The following NAV2 variants were observed in gnomAD, a reference collection of about 807,000 sequenced individuals.
NAV2 encodes neuron navigator 2, also known as helicase, APC down-regulated 1.
NAV2 carries 54 observed loss-of-function variants against 223.2 expected under a neutral mutation model. That is an observed-to-expected ratio of 0.24 (90% CI 0.19 to 0.30). The LOEUF is 0.30. Among genes scored for constraint, NAV2 ranks in the 10% least tolerant of loss-of-function variants. NAV2 has a pLI of 1.00. For synonymous variants in NAV2, 1,279 were observed against 1,239.3 expected (o/e 1.03, Z -0.67); for missense variants, 2,806 against 3,147.5 (o/e 0.89, Z 2.60).
rs1323663075 is a variant in NAV2 at position 19,948,874 on chromosome 11, C to G, written c.2439C>G (p.Phe813Leu). 12 of 1,614,104 alleles carry G rather than the reference C, an allele frequency of 7.4e-6. No homozygotes were observed. The highest frequency in any genetic ancestry group is 1.0e-5 in the Non-Finnish European group (12 of 1,180,022). Reference protein sequence around the residue: ...GYPPRANASRFINTESGRYVY... With the variant: ...GYPPRANASRLINTESGRYVY... ...CCCCTCGAGCCAACGCCAGCAGGTT[C>G]ATCAACACTGAGTCAGGTCGCTATG... Residue 813 changes from phenylalanine to leucine, a missense_variant, in exon 10 of 38, where the codon TTC becomes TTG. Transcript: ENST00000349880.
At chr11:19,798,557 G>C (rs117758758) in intron 1 of NAV2, among the ~76,000 whole-genome samples, 6 of 152,156 alleles carry the variant, frequency 3.9e-5, no homozygotes, top group Non-Finnish European at 7.3e-5. Flanking sequence ...GGCTGGCCAC[G>C]GGGAGCCCTC....
chr11:19,583,886 C>T (rs1273850216), intron 1 of NAV2, among the ~76,000 whole-genome samples: 1 of 152,176 alleles, frequency 6.6e-6, no homozygotes, highest in Non-Finnish European at 1.5e-5. Context: ...ATGATGCTGG[C>T]CTCACAAAAT....
intron 1 of NAV2, among the ~76,000 whole-genome samples, chr11:19,735,056 G>A (rs963445000): frequency 2.6e-5 from 4 of 152,214 alleles, no homozygotes; most frequent in Non-Finnish European, 5.9e-5. Context: ...ATTTGTAAAT[G>A]AGGATAATAG....
intron 10 of NAV2, among the ~76,000 whole-genome samples, chr11:19,980,422 G>A: frequency 6.6e-6 from 1 of 152,136 alleles, no homozygotes; most frequent in East Asian, 1.9e-4. Context: ...GTGTGGCATG[G>A]GTGTTCTGAG....
intron 1 of NAV2, among the ~76,000 whole-genome samples, chr11:19,450,711 G>A (rs1369978813): frequency 3.3e-5 from 5 of 152,084 alleles, no homozygotes; most frequent in African/African-American, 4.8e-5. Context: ...ATACAACTTC[G>A]TCATTCACAA....
At chr11:20,068,140 T>C (rs1251051724) in intron 20 of NAV2, 46 bp from the exon 21 acceptor site, 1 of 1,585,502 alleles carries the variant, frequency 6.3e-7, no homozygotes, top group Admixed American at 1.7e-5. Context: ...ACTACACTAT[T>C]CTTTGTTCCT....
intron 25 of NAV2, 88 bp from the exon 26 acceptor site, chr11:20,082,919 A>T: frequency 8.0e-7 from 1 of 1,242,644 alleles, no homozygotes; most frequent in Non-Finnish European, 1.1e-6. Flanking sequence ...TGGGAGAATT[A>T]ATCGCTTTTT....
chr11:19,656,752 C>A (rs577819405), intron 1 of NAV2, among the ~76,000 whole-genome samples: 1 of 152,236 alleles, frequency 6.6e-6, no homozygotes, highest in African/African-American at 2.4e-5. Flanking sequence ...CTGTGAGAAG[C>A]AATGCTCTAG....
At chr11:19,548,233 A>C (rs900986194) in intron 1 of NAV2, among the ~76,000 whole-genome samples, 1 of 152,244 alleles carries the variant, frequency 6.6e-6, no homozygotes, top group South Asian at 2.1e-4. Context: ...CATAACAATG[A>C]AAGCAAAACC....
At chr11:19,730,050 C>T (rs2051614624) in intron 1 of NAV2, among the ~76,000 whole-genome samples, 2 of 152,226 alleles carry the variant, frequency 1.3e-5, no homozygotes, top group Non-Finnish European at 2.9e-5. Flanking sequence ...AAGCAACTCA[C>T]AGCTTTACAC....
At chr11:20,031,282 A>G (rs1459644175) in intron 11 of NAV2, among the ~76,000 whole-genome samples, 2 of 152,194 alleles carry the variant, frequency 1.3e-5, no homozygotes, top group Non-Finnish European at 2.9e-5. Context: ...CACTTTTTGT[A>G]ACTGCTTTCA....
intron 3 of NAV2, among the ~76,000 whole-genome samples, chr11:19,860,878 A>C (rs1314046868): frequency 6.6e-6 from 1 of 152,088 alleles, no homozygotes; most frequent in Non-Finnish European, 1.5e-5. Context: ...AAAAAATACG[A>C]AAACCAGTCA....
At chr11:19,747,060 C>G (rs2053423845) in intron 1 of NAV2, among the ~76,000 whole-genome samples, 1 of 78,776 alleles carries the variant, frequency 1.3e-5, no homozygotes, top group Non-Finnish European at 2.5e-5. Context: ...CACCCCACAA[C>G]AGTCCCCAGT....
intron 1 of NAV2, among the ~76,000 whole-genome samples, chr11:19,699,197 T>C (rs1426379963): frequency 4.6e-5 from 7 of 152,242 alleles, no homozygotes; most frequent in African/African-American, 1.7e-4. Context: ...GAGTTTAGAA[T>C]CAGACAATTA....
intron 1 of NAV2, among the ~76,000 whole-genome samples, chr11:19,441,257 G>C (rs1387440787): frequency 6.6e-6 from 1 of 152,204 alleles, no homozygotes; most frequent in Non-Finnish European, 1.5e-5. Flanking sequence ...GATGGGTCTA[G>C]AGCCTGGAGG....
chr11:19,504,450 C>G (rs1040816818), intron 1 of NAV2: 10 of 152,170 alleles, frequency 6.6e-5, no homozygotes, highest in Admixed American at 2.0e-4. Context: ...TTATTCATGT[C>G]AGAGTTATGT....
At chr11:19,995,577 AAAG>A (rs564510663) in intron 11 of NAV2, among the ~76,000 whole-genome samples, 158 of 152,292 alleles carry the variant, frequency 1.0e-3, no homozygotes, top group East Asian at 2.1e-3. Context: ...GATGGCAGGT[AAAG>A]AAGAATGTCT....
intron 11 of NAV2, among the ~76,000 whole-genome samples, chr11:20,011,908 A>T (rs2053590635): frequency 6.6e-6 from 1 of 152,232 alleles, no homozygotes; most frequent in African/African-American, 2.4e-5. Flanking sequence ...CCATTCTTGG[A>T]CCTAATGTAT....
At chr11:19,669,625 C>T (rs964771500) in intron 1 of NAV2, among the ~76,000 whole-genome samples, 6 of 152,208 alleles carry the variant, frequency 3.9e-5, no homozygotes, top group Admixed American at 6.5e-5. Context: ...CTCCTTCCAC[C>T]GCCAGTGAGA....
Sources: allele counts gnomAD v4.1 joint callset (sites outside exome capture counted in the v4.1 genomes callset), GRCh38; gene constraint gnomAD v4.1.1; transcripts MANE v1.5; gene names NCBI Gene and HGNC (gene_info 2026-07-23, HGNC 2026-07-21).